The following PDS5A variants were observed in gnomAD, a reference collection of about 807,000 sequenced individuals.
PDS5A encodes sister chromatid cohesion protein PDS5 homolog A.
PDS5A carries 42 observed loss-of-function variants against 167.1 expected under a neutral mutation model. That is an observed-to-expected ratio of 0.25 (90% confidence interval 0.20 to 0.33). The LOEUF (loss-of-function observed/expected upper bound fraction) is 0.33. Among genes scored for constraint, PDS5A ranks in the 10% least tolerant of loss-of-function variants. The pLI is 1.00. For synonymous variants in PDS5A, 553 were observed against 554.6 expected, an observed-to-expected ratio of 1.00 and a Z score of 0.04; for missense variants, 1,033 against 1,605.9, an observed-to-expected ratio of 0.64 and a Z score of 6.10.
At chr4:39,911,935 GATAA>G (rs1723932662) in intron 9 of PDS5A, among the ~76,000 whole-genome samples, 1 of 151,424 alleles carries the variant, frequency 6.6e-6, no homozygotes, top group African/African-American at 2.4e-5. Flanking sequence ...ACTGATTAAT[GATAA>G]ATAATGTGAT....
At chr4:39,970,790 C>CCTT (rs1553911026) in intron 2 of PDS5A, among the ~76,000 whole-genome samples, 1,565 of 88,596 alleles carry the variant, frequency 0.018, 50 homozygotes, top group East Asian at 0.15. Flanking sequence ...CCGCTTGTTC[C>CCTT]TTTTTTTTTT....
rs769836397 is a variant in PDS5A at position 39,976,464 on chromosome 4, C to G, written c.114G>C (p.Thr38=). ...GVKEITDKIT[T]DEMIKRLKMV... is the part of the protein sequence containing the mutation. ...CCTTCAGGCGTTTGATCATCTCGTCCGTGGTGATCTTGTCGGTGATCTCTT... is the reference window on the plus strand; with the variant it reads ...CCTTCAGGCGTTTGATCATCTCGTCGGTGGTGATCTTGTCGGTGATCTCTT... The change falls in exon 2 of 33, where the codon ACG becomes ACC. Residue 38 remains threonine (T), a synonymous_variant. Coordinates refer to ENST00000303538, the MANE Select transcript of PDS5A (RefSeq NM_001100399.2). 1.9e-6 allele frequency: 3 copies of G among 1,613,300 alleles called. No homozygotes were observed. Among genetic ancestry groups the G allele is most frequent in the Middle Eastern group, 1.6e-4 (1 of 6,080 alleles).
chr4:39,876,332 C>T (rs1241222848), intron 19 of PDS5A, among the ~76,000 whole-genome samples: 1 of 152,112 alleles, frequency 6.6e-6, no homozygotes, highest in East Asian at 1.9e-4. Context: ...GTACAATGGA[C>T]ACTGAATTAT....
intron 2 of PDS5A, among the ~76,000 whole-genome samples, chr4:39,974,553 T>C (rs1444920105): frequency 6.6e-6 from 1 of 152,192 alleles, no homozygotes; most frequent in African/African-American, 2.4e-5. Context: ...TATTTTATTT[T>C]ACTTTTTTGA....
rs1199031993 is a variant in PDS5A at position 39,865,815 on chromosome 4, T to TAAAC, written c.2642+1042_2642+1045dup. On this transcript the variant is annotated intron_variant, in intron 23 of 32. Coordinates refer to ENST00000303538, the MANE Select transcript of PDS5A (RefSeq NM_001100399.2). ...TGCACTCAGCCTCATAAAGAATGAT[T>TAAAC]AAACCTCTGTCCTCTAAAACAAATT... Among the ~76,000 whole-genome samples the TAAAC allele has an allele frequency of 1.3e-5, 2 of 152,244 alleles. 1 individual carries two copies. Among genetic ancestry groups the TAAAC allele is most frequent in the Non-Finnish European group, 2.9e-5 (2 of 68,040 alleles).
At chr4:39,967,437 G>C (rs1164037757) in intron 2 of PDS5A, among the ~76,000 whole-genome samples, 5 of 152,144 alleles carry the variant, frequency 3.3e-5, no homozygotes, top group South Asian at 2.1e-4. Flanking sequence ...CACGAGGTCA[G>C]GGGTTCGAGA....
At chr4:39,856,849 G>GA in intron 26 of PDS5A, among the ~76,000 whole-genome samples, 1 of 151,610 alleles carries the variant, frequency 6.6e-6, no homozygotes, top group East Asian at 1.9e-4. Context: ...TAAATAAAAG[G>GA]AAAATGCATA....
At chr4:39,853,739 C>G (rs892199861) in intron 26 of PDS5A, among the ~76,000 whole-genome samples, 1 of 152,176 alleles carries the variant, frequency 6.6e-6, no homozygotes, top group Non-Finnish European at 1.5e-5. Flanking sequence ...TAAATACTTT[C>G]TATTGCCTTC....
intron 2 of PDS5A, among the ~76,000 whole-genome samples, chr4:39,963,139 G>T (rs1333992000): frequency 6.6e-6 from 1 of 151,806 alleles, no homozygotes. Flanking sequence ...GACCAACATG[G>T]CGAAACCCCG....
At chr4:39,930,215 C>CAAAAAAAAAAAAAAAAAAAA (rs764983592) in intron 2 of PDS5A, among the ~76,000 whole-genome samples, 1 of 35,086 alleles carries the variant, frequency 2.9e-5, no homozygotes, top group Non-Finnish European at 4.7e-5. Flanking sequence ...GACTCCATCT[C>CAAAAAAAAAAAAAAAAAAAA]AAAAAAAAAA....
chr4:39,835,380 A>C (rs1207032634), intron 32 of PDS5A, among the ~76,000 whole-genome samples: 3 of 152,232 alleles, frequency 2.0e-5, no homozygotes, highest in Admixed American at 2.0e-4. Flanking sequence ...TCAGTCTGTA[A>C]AGAGAAGGCC....
At chr4:39,908,887 C>A (rs933767087) in intron 10 of PDS5A, 4 of 204,632 alleles carry the variant, frequency 2.0e-5, no homozygotes, top group African/African-American at 9.5e-5. Context: ...TAAAAAAACT[C>A]ATTAGCCAGA....
intron 26 of PDS5A, among the ~76,000 whole-genome samples, chr4:39,850,141 A>G (rs1158810474): frequency 6.6e-6 from 1 of 151,856 alleles, no homozygotes; most frequent in Non-Finnish European, 1.5e-5. Context: ...TGTTGGTGGC[A>G]GGCACCTGTA....
chr4:39,948,627 T>G (rs1298566540), intron 2 of PDS5A, among the ~76,000 whole-genome samples: 4 of 149,022 alleles, frequency 2.7e-5, no homozygotes, highest in African/African-American at 7.4e-5. Flanking sequence ...CTGGATTTTT[T>G]TTTTTTTTTT....
At chr4:39,854,712 C>A (rs1289066601) in intron 26 of PDS5A, among the ~76,000 whole-genome samples, 1 of 152,074 alleles carries the variant, frequency 6.6e-6, no homozygotes, top group Non-Finnish European at 1.5e-5. Flanking sequence ...AGATTGTAAA[C>A]CTTAAGGGAA....
At chr4:39,953,921 T>A (rs931844258) in intron 2 of PDS5A, among the ~76,000 whole-genome samples, 1 of 152,148 alleles carries the variant, frequency 6.6e-6, no homozygotes, top group Non-Finnish European at 1.5e-5. Flanking sequence ...TAAAAGTTCA[T>A]GGGAAACTTC....
intron 17 of PDS5A, among the ~76,000 whole-genome samples, chr4:39,885,850 G>T (rs1420352842): frequency 6.6e-6 from 1 of 152,136 alleles, no homozygotes; most frequent in South Asian, 2.1e-4. Context: ...ATCTACTCTG[G>T]AGGCTGAGGG....
chr4:39,889,318 T>C (rs1405798352), intron 17 of PDS5A, among the ~76,000 whole-genome samples: 1 of 152,224 alleles, frequency 6.6e-6, no homozygotes, highest in Non-Finnish European at 1.5e-5. Context: ...ATCTCAGGCT[T>C]ACACCTCCAG....
intron 2 of PDS5A, chr4:39,973,191 G>T: frequency 8.5e-7 from 1 of 1,173,760 alleles, no homozygotes; most frequent in Non-Finnish European, 1.3e-6. Flanking sequence ...TAGCTTGGTG[G>T]GCTTGTAATA....
Sources: gnomAD v4.1 joint callset for allele counts (sites outside exome capture counted in the v4.1 genomes callset) on GRCh38, gnomAD v4.1.1 for gene constraint, MANE v1.5 for transcripts, NCBI Gene and HGNC (gene_info 2026-07-23, HGNC 2026-07-21) for gene names.